NYAP2: variants seen among roughly 807,000 people sequenced by gnomAD.
NYAP2 encodes the protein neuronal tyrosine-phosphorylated phosphoinositide-3-kinase adaptor 2.
NYAP2 carries 23 observed loss-of-function variants against 50.4 expected under a neutral mutation model. The ratio of observed to expected loss-of-function variants is 0.46; its 90% CI spans 0.33 to 0.65. NYAP2 has a LOEUF of 0.65. NYAP2 is among the 30% of genes least tolerant of loss of function. NYAP2 has a pLI of 0.02. For missense variants in NYAP2, 885 were observed against 861.0 expected (o/e 1.03, Z -0.35); for synonymous variants, 394 against 365.2 (o/e 1.08, Z -0.90).
chr2:225,678,408 T>C, the NYAP2 span, among the ~76,000 whole-genome samples: 11 of 152,240 alleles, frequency 7.2e-5, no homozygotes, highest in Admixed American at 2.0e-4. Context: ...GGGTCTCAAT[T>C]TCATTGAGTC....
chr2:225,616,682 C>T (rs1485073789), intron 5 of NYAP2, among the ~76,000 whole-genome samples: 2 of 152,122 alleles, frequency 1.3e-5, no homozygotes, highest in African/African-American at 4.8e-5. Context: ...GCCAAGGTTT[C>T]CCATGAGGTA....
intron 6 of NYAP2, among the ~76,000 whole-genome samples, chr2:225,635,530 T>G (rs764197415): frequency 2.6e-5 from 4 of 152,206 alleles, no homozygotes; most frequent in Non-Finnish European, 5.9e-5. Flanking sequence ...AAAATACCTG[T>G]CTTTTTCTAG....
the NYAP2 span, among the ~76,000 whole-genome samples, chr2:225,660,441 ATTT>A: frequency 3.7e-5 from 5 of 133,988 alleles, no homozygotes; most frequent in Admixed American, 7.8e-5. Flanking sequence ...CACAGGATAC[ATTT>A]TTTTTTTTTT....
intron 6 of NYAP2, among the ~76,000 whole-genome samples, chr2:225,633,752 A>T (rs1693362067): frequency 6.6e-6 from 1 of 152,252 alleles, no homozygotes; most frequent in Admixed American, 6.5e-5. Context: ...TGCTGCCATG[A>T]GAAATGCTCA....
At chr2:225,401,707 C>T (rs893128852) in intron 2 of NYAP2, among the ~76,000 whole-genome samples, 37 of 151,954 alleles carry the variant, frequency 2.4e-4, no homozygotes, top group Admixed American at 2.0e-4. Flanking sequence ...CCTAATTTTT[C>T]CAACTACTCA....
chr2:225,513,794 C>T lies in NYAP2; in HGVS notation c.523+122C>T, dbSNP rs557834929. The stretch of plus-strand genomic sequence containing the variant: ...ATAATCCTGCCTCTCACCCTGAAGT[C>T]CCAGAAAAGAAGAATTGAGGGGAAG... On this transcript the variant is annotated intron_variant, in intron 4 of 6. Coordinates refer to ENST00000636099, the Ensembl canonical transcript of NYAP2. The T allele has an allele frequency of 1.8e-4, 116 of 660,606 alleles. No individual in the cohort carries two copies. In the African/African-American group the frequency reaches 2.0e-3, roughly 12 times the overall value. The allele number at this position is 660,606 out of a possible 1,614,324, so 40.9% of individuals were successfully genotyped here. A position where few individuals can be genotyped will look rare whatever the true frequency, so the allele number is the denominator to read the frequency against.
chr2:225,564,996 G>A (rs893576666), intron 4 of NYAP2, among the ~76,000 whole-genome samples: 17 of 152,152 alleles, frequency 1.1e-4, no homozygotes, highest in African/African-American at 4.1e-4. Flanking sequence ...TGGGCATGGT[G>A]GTAGGTGCCT....
chr2:225,495,379 G>A (rs1690486009), intron 3 of NYAP2, among the ~76,000 whole-genome samples: 2 of 152,120 alleles, frequency 1.3e-5, no homozygotes, highest in Admixed American at 6.6e-5. Context: ...GATCTTATAA[G>A]GCGAGATTTA....
chr2:225,681,066 C>A, the NYAP2 span, among the ~76,000 whole-genome samples: 2 of 152,114 alleles, frequency 1.3e-5, no homozygotes. Flanking sequence ...ACAAATATAA[C>A]CCAAAAATTT....
chr2:225,651,136 G>A (rs1693723321), intron 6 of NYAP2, among the ~76,000 whole-genome samples: 2 of 152,194 alleles, frequency 1.3e-5, no homozygotes, highest in African/African-American at 4.8e-5. Flanking sequence ...CTCCTAATGG[G>A]TTGTTGTTGC....
intron 4 of NYAP2, among the ~76,000 whole-genome samples, chr2:225,578,126 T>C (rs1156577754): frequency 6.6e-6 from 1 of 151,996 alleles, no homozygotes; most frequent in Admixed American, 6.6e-5. Context: ...AGAGATGGGG[T>C]TTCACCATGT....
intron 3 of NYAP2, among the ~76,000 whole-genome samples, chr2:225,435,564 G>C (rs1689362622): frequency 6.6e-6 from 1 of 152,120 alleles, no homozygotes; most frequent in African/African-American, 2.4e-5. Context: ...TCTTAATTTA[G>C]TTTTCCTTGA....
At chr2:225,673,013 G>GA in the NYAP2 span, among the ~76,000 whole-genome samples, 285 of 142,450 alleles carry the variant, frequency 2.0e-3, no homozygotes, top group East Asian at 8.1e-3. Flanking sequence ...TGAGACTGGG[G>GA]AAAAAAAAAA....
chr2:225,468,960 A>G (rs1005394049), intron 3 of NYAP2, among the ~76,000 whole-genome samples: 2 of 152,182 alleles, frequency 1.3e-5, no homozygotes, highest in African/African-American at 4.8e-5. Flanking sequence ...CCAATTGGAA[A>G]AAATAAGGAA....
At chr2:225,420,410 C>G (rs1286384464) in intron 3 of NYAP2, among the ~76,000 whole-genome samples, 1 of 151,928 alleles carries the variant, frequency 6.6e-6, no homozygotes, top group Non-Finnish European at 1.5e-5. Context: ...GAACTAAAAC[C>G]TAAAATAATT....
At chr2:225,546,535 A>G (rs1574670614) in intron 4 of NYAP2, among the ~76,000 whole-genome samples, 1 of 151,976 alleles carries the variant, frequency 6.6e-6, no homozygotes, top group African/African-American at 2.4e-5. Context: ...AGGTCTCTTC[A>G]GTCAGCTTGT....
chr2:225,518,801 T>C lies in NYAP2; in HGVS notation c.523+5129T>C, dbSNP rs546371566. 8.4e-4 allele frequency among the ~76,000 whole-genome samples: 127 copies of C among 151,516 alleles called. 2 individuals carry two copies. In the South Asian group the frequency reaches 0.014, roughly 17 times the overall value. ...TAGGAGGCCTAGACAGGTGGATTAT[T>C]GGAGGTCAGGAGTTCGAGAGTAGCC... On this transcript the variant is annotated intron_variant, in intron 4 of 6. Coordinates refer to ENST00000636099, the Ensembl canonical transcript of NYAP2.
the NYAP2 span, among the ~76,000 whole-genome samples, chr2:225,688,401 G>A: frequency 6.6e-6 from 1 of 152,050 alleles, no homozygotes; most frequent in African/African-American, 2.4e-5. Context: ...TGATCCATTT[G>A]TTTATTCATT....
At position 225,513,742 on chromosome 2, in the gene NYAP2, G is replaced by C. The variant is rs927490575; in HGVS notation, c.523+70G>C. 1.7e-5 allele frequency: 22 copies of C among 1,263,586 alleles called. No homozygotes were observed. The African/African-American group carries it at 3.2e-4, about 19-fold the overall frequency. 78.3% of individuals were successfully genotyped at this position (1,263,586 alleles called of 1,614,324 possible). On this transcript the variant is annotated intron_variant, in intron 4 of 6. Coordinates refer to ENST00000636099, the Ensembl canonical transcript of NYAP2. ...AGTATGTTCAGGTCAGCATGCCCAG[G>C]GGCAAGTGCCTTCTTCACTGGGCCA...
Sources: gnomAD v4.1 joint callset for allele counts (sites outside exome capture counted in the v4.1 genomes callset) on GRCh38, gnomAD v4.1.1 for gene constraint, MANE v1.5 for transcripts, NCBI Gene and HGNC (gene_info 2026-07-23, HGNC 2026-07-21) for gene names.